The following CADPS2 variants were observed in gnomAD, a reference collection of about 807,000 sequenced individuals.
The protein encoded by CADPS2 is calcium-dependent secretion activator 2.
In CADPS2, 93 loss-of-function variants were observed where a neutral mutation model predicts 172.5. The observed-to-expected ratio is 0.54, with a 90% CI of 0.46 to 0.64. The LOEUF is 0.64. Among genes scored for constraint, CADPS2 ranks in the 30% least tolerant of loss-of-function variants. The probability of loss-of-function intolerance (pLI) is 0.00; values close to 1 mark genes in which losing one functional copy is unlikely to be tolerated. For missense variants in CADPS2, 1,420 were observed against 1,565.9 expected (o/e 0.91, Z 1.57); for synonymous variants, 546 against 555.2 (o/e 0.98, Z 0.23).
intron 9 of CADPS2, 112 bp from the exon 10 acceptor site, chr7:122,491,532 A>G (rs937722128): frequency 1.8e-6 from 1 of 566,520 alleles, no homozygotes; most frequent in Non-Finnish European, 3.0e-6. Context: ...CATAATTTGC[A>G]CATAAATTAT....
intron 8 of CADPS2, among the ~76,000 whole-genome samples, chr7:122,516,153 G>C (rs1178994264): frequency 6.6e-6 from 1 of 152,100 alleles, no homozygotes; most frequent in Non-Finnish European, 1.5e-5. Flanking sequence ...TTTAAATGAT[G>C]ATTTCTGGGA....
intron 28 of CADPS2, among the ~76,000 whole-genome samples, chr7:122,329,381 G>A (rs373325116): frequency 6.6e-6 from 1 of 152,084 alleles, no homozygotes; most frequent in South Asian, 2.1e-4. Flanking sequence ...CGGGATCCAC[G>A]CAGCTGTAAA....
intron 1 of CADPS2, among the ~76,000 whole-genome samples, chr7:122,860,261 C>T (rs1176816931): frequency 2.6e-5 from 4 of 152,144 alleles, no homozygotes; most frequent in African/African-American, 4.8e-5. Flanking sequence ...CAGGGTATCA[C>T]TCTGTTACCC....
intron 4 of CADPS2, among the ~76,000 whole-genome samples, chr7:122,622,819 A>G (rs965682103): frequency 2.0e-5 from 3 of 152,170 alleles, no homozygotes; most frequent in Non-Finnish European, 4.4e-5. Context: ...GACATCATTC[A>G]AAATCTAACC....
intron 16 of CADPS2, 144 bp from the exon 17 acceptor site, chr7:122,438,608 CTAGGTA>C: frequency 1.1e-6 from 1 of 899,222 alleles, no homozygotes; most frequent in Non-Finnish European, 1.7e-6. Flanking sequence ...GAGAGGGGTC[CTAGGTA>C]ACCTGGGGGG....
At chr7:122,668,259 G>A (rs1186943271) in intron 2 of CADPS2, among the ~76,000 whole-genome samples, 2 of 151,882 alleles carry the variant, frequency 1.3e-5, no homozygotes, top group Non-Finnish European at 2.9e-5. Context: ...TTTTTACTGG[G>A]GTGTCTAGAT....
At chr7:122,776,957 C>T (rs1472046361) in intron 1 of CADPS2, among the ~76,000 whole-genome samples, 1 of 152,192 alleles carries the variant, frequency 6.6e-6, no homozygotes, top group Non-Finnish European at 1.5e-5. Context: ...AGGAGACCAT[C>T]CTGGGCAATA....
At chr7:122,879,159 C>T (rs962758403) in intron 1 of CADPS2, among the ~76,000 whole-genome samples, 8 of 150,648 alleles carry the variant, frequency 5.3e-5, no homozygotes, top group Non-Finnish European at 1.0e-4. Flanking sequence ...ATCAGTTGAA[C>T]GCGGGAGGCA....
At chr7:122,582,878 C>T (rs1008888149) in intron 6 of CADPS2, among the ~76,000 whole-genome samples, 1 of 152,028 alleles carries the variant, frequency 6.6e-6, no homozygotes, top group African/African-American at 2.4e-5. Flanking sequence ...CATAAAACTT[C>T]CATGTATTAC....
At chr7:122,621,890 TA>T (rs1380454698) in intron 4 of CADPS2, among the ~76,000 whole-genome samples, 173 bp from the exon 5 acceptor site, 2 of 152,216 alleles carry the variant, frequency 1.3e-5, no homozygotes, top group Non-Finnish European at 2.9e-5. Context: ...TTTTTGATTA[TA>T]TCTATGGTAC....
At chr7:122,548,729 GA>G in intron 8 of CADPS2, among the ~76,000 whole-genome samples, 1 of 152,278 alleles carries the variant, frequency 6.6e-6, no homozygotes, top group East Asian at 1.9e-4. Context: ...CACTTGCCAT[GA>G]AATAATCTCC....
chr7:122,325,709 G>A, intron 28 of CADPS2, 128 bp from the exon 29 acceptor site: 1 of 606,796 alleles, frequency 1.6e-6, no homozygotes, highest in East Asian at 2.8e-5. Flanking sequence ...ATCAGCACTT[G>A]AAGTCAATAA....
At chr7:122,836,167 T>C (rs3003338) in intron 1 of CADPS2, among the ~76,000 whole-genome samples, 30,800 of 152,084 alleles carry the variant, frequency 0.2, 3,843 homozygotes, top group African/African-American at 0.35. Context: ...GAATTTCATA[T>C]GCAGCCAAAC....
chr7:122,775,638 T>C (rs1308678610), intron 1 of CADPS2, among the ~76,000 whole-genome samples: 1 of 152,230 alleles, frequency 6.6e-6, no homozygotes, highest in African/African-American at 2.4e-5. Flanking sequence ...TATCTGAACC[T>C]ATATTTGATT....
At chr7:122,332,351 T>G (rs1410840620) in intron 28 of CADPS2, among the ~76,000 whole-genome samples, 1 of 152,042 alleles carries the variant, frequency 6.6e-6, no homozygotes, top group Non-Finnish European at 1.5e-5. Context: ...CGATCCTTGG[T>G]TCTTCCATAG....
chr7:122,706,236 CATATATGCTTATATATTCAAGGAATAT>C (rs2087436444), intron 2 of CADPS2, among the ~76,000 whole-genome samples: 2 of 18,298 alleles, frequency 1.1e-4, no homozygotes, highest in East Asian at 1.3e-3. Context: ...TCAAGGAATA[CATATATGCTTATATATTCAAGGAATAT>C]ATATATGTTT....
chr7:122,593,317 G>C (rs533327733), intron 6 of CADPS2, among the ~76,000 whole-genome samples: 1 of 151,818 alleles, frequency 6.6e-6, no homozygotes, highest in Admixed American at 6.6e-5. Context: ...AAAAAAGACC[G>C]ATTAAATAAC....
At chr7:122,657,240 C>T (rs1017120573) in intron 3 of CADPS2, among the ~76,000 whole-genome samples, 44 of 152,076 alleles carry the variant, frequency 2.9e-4, no homozygotes, top group East Asian at 7.7e-4. Flanking sequence ...AATCAGGTAG[C>T]GTGATGCCTC....
intron 2 of CADPS2, among the ~76,000 whole-genome samples, chr7:122,710,129 G>C (rs1312573506): frequency 6.7e-6 from 1 of 149,662 alleles, no homozygotes; most frequent in Non-Finnish European, 1.5e-5. Flanking sequence ...TTGAAAGTTT[G>C]CATATGCATT....
Sources: allele counts gnomAD v4.1 joint callset (sites outside exome capture counted in the v4.1 genomes callset), GRCh38; gene constraint gnomAD v4.1.1; transcripts MANE v1.5; gene names NCBI Gene and HGNC (gene_info 2026-07-23, HGNC 2026-07-21).